MACO1: variants seen among roughly 807,000 people sequenced by gnomAD.
The protein encoded by MACO1 is macoilin.
In MACO1, 14 loss-of-function variants were observed where a neutral mutation model predicts 78.7. That is an observed-to-expected ratio of 0.18 (90% confidence interval 0.12 to 0.28). The LOEUF is 0.28. Ranked by LOEUF, MACO1 falls within the 10% of genes least tolerant of loss-of-function variation. MACO1 has a pLI of 1.00. For synonymous variants in MACO1, 288 were observed against 291.6 expected (o/e 0.99, Z 0.12); for missense variants, 501 against 799.0 (o/e 0.63, Z 4.50).
intron 6 of MACO1, among the ~76,000 whole-genome samples, chr1:25,460,406 G>GTTTTT (rs1175896905): frequency 7.1e-6 from 1 of 140,186 alleles, no homozygotes; most frequent in Non-Finnish European, 1.6e-5. Context: ...TCCTACACAT[G>GTTTTT]TTTTTTTTTT....
At chr1:25,477,976 T>C (rs539846042) in intron 6 of MACO1, among the ~76,000 whole-genome samples, 256 of 152,234 alleles carry the variant, frequency 1.7e-3, no homozygotes, top group Middle Eastern at 3.2e-3. Flanking sequence ...CTGGGCGTGG[T>C]GGCTCAGGCC....
Position 25,431,001 on chromosome 1 carries a change from G to C in MACO1, c.-98G>C, listed in dbSNP as rs534760678. Reference sequence around the variant, plus strand: ...CCATGTCTGTGTGACCGGCCTCAGGGGTAGAGTCCAGGCCCGACGCGGGGC... The same window carrying C: ...CCATGTCTGTGTGACCGGCCTCAGGCGTAGAGTCCAGGCCCGACGCGGGGC... On this transcript the variant is annotated 5_prime_UTR_variant, in exon 1 of 11. Transcript: ENST00000374343. The C allele has an allele frequency of 2.1e-6, 2 of 940,200 alleles. No homozygotes were observed. Among genetic ancestry groups the C allele is most frequent in the Non-Finnish European group, 3.1e-6 (2 of 651,986 alleles). 58.2% of individuals were successfully genotyped at this position (940,200 alleles called of 1,614,324 possible). A position where few individuals can be genotyped will look rare whatever the true frequency, so the allele number is the denominator to read the frequency against.
intron 6 of MACO1, among the ~76,000 whole-genome samples, chr1:25,480,925 AAAAAATATATATAT>A (rs1277905728): frequency 3.7e-4 from 12 of 32,114 alleles, no homozygotes; most frequent in African/African-American, 8.3e-4. Flanking sequence ...AAAAAAAAAA[AAAAAATATATATAT>A]ATATATATAT....
chr1:25,474,621 G>C (rs533852526), intron 6 of MACO1, among the ~76,000 whole-genome samples: 98 of 152,270 alleles, frequency 6.4e-4, no homozygotes, highest in African/African-American at 2.3e-3. Flanking sequence ...GAAGGAGAGG[G>C]GACAGCCTTG....
intron 6 of MACO1, among the ~76,000 whole-genome samples, chr1:25,472,131 G>A (rs988061380): frequency 3.3e-5 from 5 of 151,750 alleles, no homozygotes; most frequent in Non-Finnish European, 5.9e-5. Flanking sequence ...CTCTCTCCTC[G>A]CCAGTCCCAG....
chr1:25,441,721 G>C (rs1166095836), intron 1 of MACO1, among the ~76,000 whole-genome samples: 1 of 152,218 alleles, frequency 6.6e-6, no homozygotes. Context: ...TTTGGGGTTA[G>C]GGCGGCTTAT....
chr1:25,475,845 T>C (rs2043317463), intron 6 of MACO1, among the ~76,000 whole-genome samples: 1 of 152,220 alleles, frequency 6.6e-6, no homozygotes, highest in South Asian at 2.1e-4. Flanking sequence ...ATTAAGCTCA[T>C]ACTATGTATG....
chr1:25,460,866 G>T (rs2043164574), intron 6 of MACO1, among the ~76,000 whole-genome samples: 1 of 151,958 alleles, frequency 6.6e-6, no homozygotes, highest in African/African-American at 2.4e-5. Flanking sequence ...ACTCTGTTTT[G>T]GAGAACTACT....
rs1000518192 is a variant in MACO1, at chr1:25,498,386, C to A, written c.1915C>A (p.His639Asn). ...ATSPLSPVSP[H>N]YSSKFVETSP... is the part of the protein sequence containing the mutation. ...CAGCCCCCTGAGCCCTGTTTCCCCC[C>A]ACTACTCTTCCAAATTTGTGGAGAC... Residue 639 changes from histidine (H) to asparagine (N), a missense_variant, in exon 11 of 11, where the codon CAC becomes AAC. Physicochemically the swap from His to Asn is moderately conservative, Grantham distance 68. Transcript: ENST00000374343. The A allele has an allele frequency of 3.7e-6, 6 of 1,613,962 alleles. No homozygotes were observed. In the Admixed American group the frequency reaches 1.0e-4, roughly 27 times the overall value.
At chr1:25,473,211 A>G (rs552216960) in intron 6 of MACO1, among the ~76,000 whole-genome samples, 28 of 152,324 alleles carry the variant, frequency 1.8e-4, no homozygotes, top group South Asian at 8.3e-4. Flanking sequence ...TTAATATACA[A>G]TATAGTTTGA....
intron 6 of MACO1, among the ~76,000 whole-genome samples, chr1:25,462,012 C>G (rs982600719): frequency 2.0e-5 from 3 of 150,134 alleles, no homozygotes; most frequent in Non-Finnish European, 3.0e-5. Context: ...GCCGTCGCCT[C>G]TGTTTCCTCA....
At chr1:25,433,025 T>A (rs946444741) in intron 1 of MACO1, among the ~76,000 whole-genome samples, 2 of 152,226 alleles carry the variant, frequency 1.3e-5, no homozygotes, top group Non-Finnish European at 2.9e-5. Flanking sequence ...AAAGGTTAAT[T>A]GTAAATACTC....
At chr1:25,444,126 G>A (rs1031436130) in intron 1 of MACO1, among the ~76,000 whole-genome samples, 6 of 152,018 alleles carry the variant, frequency 3.9e-5, no homozygotes, top group African/African-American at 1.4e-4. Context: ...TGGTGTGGTG[G>A]TGTGCACCTG....
At chr1:25,496,952 C>G (rs1026087839) in intron 10 of MACO1, among the ~76,000 whole-genome samples, 1 of 152,166 alleles carries the variant, frequency 6.6e-6, no homozygotes, top group African/African-American at 2.4e-5. Flanking sequence ...TAATAATTCC[C>G]CCATCATGGG....
At chr1:25,478,767 A>T (rs538918962) in intron 6 of MACO1, among the ~76,000 whole-genome samples, 41 of 152,384 alleles carry the variant, frequency 2.7e-4, no homozygotes, top group South Asian at 1.4e-3. Context: ...AAAAATGGAC[A>T]TATTTATTGT....
intron 1 of MACO1, among the ~76,000 whole-genome samples, chr1:25,438,640 C>T (rs917151466): frequency 3.9e-5 from 6 of 152,200 alleles, no homozygotes; most frequent in East Asian, 3.9e-4. Context: ...CCGTGGCTCA[C>T]GCCTGTAATC....
At chr1:25,451,323 TC>T (rs1417139315) in intron 3 of MACO1, among the ~76,000 whole-genome samples, 1 of 152,202 alleles carries the variant, frequency 6.6e-6, no homozygotes, top group Non-Finnish European at 1.5e-5. Context: ...TAAGCTTTTT[TC>T]CTGGTGGTTA....
rs748592915 is a variant in MACO1 at position 25,485,586 on chromosome 1, CT to C, written c.1314-24del. 1.9e-6 allele frequency: 3 copies of C among 1,599,250 alleles called. No individual in the cohort carries two copies. Among genetic ancestry groups the C allele is most frequent in the Non-Finnish European group, 1.7e-6 (2 of 1,174,248 alleles). On this transcript the variant is annotated intron_variant, in intron 7 of 10. Transcript: ENST00000374343. This position sits in a 1 kb window ranked among gnomAD's most constrained non-coding sequence, Gnocchi z 4.3. ...ATAGTGGGCATTTGTAATTTTAAGA[CT>C]TTATATGACAATCATTTCCATATAG...
At chr1:25,434,643 T>A (rs1276225530) in intron 1 of MACO1, among the ~76,000 whole-genome samples, 2 of 152,246 alleles carry the variant, frequency 1.3e-5, no homozygotes, top group African/African-American at 4.8e-5. Context: ...TCTGTGCTAT[T>A]TTATGATAAA....
Sources: allele counts gnomAD v4.1 joint callset (sites outside exome capture counted in the v4.1 genomes callset), GRCh38; gene constraint gnomAD v4.1.1; non-coding constraint Gnocchi (gnomAD v3.1); transcripts MANE v1.5; gene names NCBI Gene and HGNC (gene_info 2026-07-23, HGNC 2026-07-21).